The following CUL4A variants were observed in gnomAD, a reference collection of about 807,000 sequenced individuals.
CUL4A encodes cullin 4A, also known as cullin-4A.
Under a neutral mutation model 95.5 loss-of-function variants are expected in CUL4A, and 16 were observed. That is an observed-to-expected ratio of 0.17 (90% CI 0.11 to 0.25). The LOEUF (loss-of-function observed/expected upper bound fraction) is 0.25. Ranked by LOEUF, CUL4A falls within the 10% of genes least tolerant of loss-of-function variation. The pLI is 1.00. For missense variants in CUL4A, 610 were observed against 937.0 expected, an observed-to-expected ratio of 0.65 and a Z score of 4.56; for synonymous variants, 380 against 353.1, an observed-to-expected ratio of 1.08 and a Z score of -0.85.
At chr13:113,217,117 G>A (rs964645247) in intron 2 of CUL4A, among the ~76,000 whole-genome samples, 1 of 152,096 alleles carries the variant, frequency 6.6e-6, no homozygotes, top group Non-Finnish European at 1.5e-5. Context: ...CCAGAAAATG[G>A]TCCTAAGTTA....
intron 16 of CUL4A, among the ~76,000 whole-genome samples, chr13:113,253,900 A>C (rs1453812751): frequency 1.3e-5 from 2 of 152,266 alleles, no homozygotes; most frequent in East Asian, 3.8e-4. Context: ...TATTAATAAT[A>C]AACTTATCTG....
Position 113,252,734 on chromosome 13 carries a change from G to A in CUL4A, c.1639-348G>A, listed in dbSNP as rs185372302. Among the ~76,000 whole-genome samples the A allele has an allele frequency of 2.9e-3, 444 of 152,326 alleles. 3 individuals are homozygous for A. Among genetic ancestry groups the A allele is most frequent in the Non-Finnish European group, 4.5e-3 (306 of 68,016 alleles). ...ACCAGCCGAGGCCAGGGCTGGGCAT[G>A]GCCGGGCTGAGACACAGGATCTGGC... On this transcript the variant is annotated intron_variant, in intron 15 of 19. Coordinates refer to ENST00000375440, the MANE Select transcript of CUL4A (RefSeq NM_001008895.4).
chr13:113,244,556 T>TACC, intron 12 of CUL4A, 42 bp downstream of exon 12: 1 of 1,410,406 alleles, frequency 7.1e-7, no homozygotes, highest in South Asian at 1.2e-5. Flanking sequence ...AATCAAGAGG[T>TACC]GTAAACAGGC....
intron 18 of CUL4A, among the ~76,000 whole-genome samples, chr13:113,258,055 T>C (rs927448578): frequency 6.6e-6 from 1 of 152,174 alleles, no homozygotes; most frequent in Non-Finnish European, 1.5e-5. Context: ...TCGCCCAGGC[T>C]GGAGTGCAGT....
At chr13:113,234,113 CA>C in intron 7 of CUL4A, 127 bp downstream of exon 7, 2 of 583,184 alleles carry the variant, frequency 3.4e-6, no homozygotes, top group Non-Finnish European at 3.0e-6. Context: ...CTGAAAGCTG[CA>C]ATCTTGCCAG....
chr13:113,235,364 T>C (rs1447615216), intron 8 of CUL4A, among the ~76,000 whole-genome samples: 3 of 152,248 alleles, frequency 2.0e-5, no homozygotes, highest in Non-Finnish European at 2.9e-5. Flanking sequence ...AGAGAGTAAA[T>C]CTTGCTGAGA....
intron 15 of CUL4A, among the ~76,000 whole-genome samples, chr13:113,247,105 G>A (rs1421636843): frequency 2.0e-5 from 3 of 152,056 alleles, no homozygotes; most frequent in South Asian, 4.2e-4. Context: ...AACAGGTGGT[G>A]GGGGAAGGTC....
At chr13:113,213,657 T>G (rs1299050568) in intron 2 of CUL4A, among the ~76,000 whole-genome samples, 4 of 152,248 alleles carry the variant, frequency 2.6e-5, no homozygotes, top group Admixed American at 2.6e-4. Context: ...CACAGTGATA[T>G]GTCTTATAAA....
At chr13:113,233,764 G>A in intron 6 of CUL4A, 133 bp from the exon 7 acceptor site, 1 of 670,346 alleles carries the variant, frequency 1.5e-6, no homozygotes, top group Non-Finnish European at 2.7e-6. Flanking sequence ...AGTGCAGCCG[G>A]CCGGCTGGGT....
At position 113,246,009 on chromosome 13, in the gene CUL4A, C is replaced by T. The variant is rs1201578153; in HGVS notation, c.1584C>T (p.Leu528=). The part of the protein sequence containing the change: ...SGPIDLTVNI[L]TMGYWPTYTP... Reference sequence around the variant, plus strand: ...CTATAGACCTCACAGTGAACATACTCACAATGGGCTACTGGCCAACATACA... The same window carrying T: ...CTATAGACCTCACAGTGAACATACTTACAATGGGCTACTGGCCAACATACA... The change falls in exon 15 of 20, where the codon CTC becomes CTT. Residue 528 remains leucine (L), a synonymous_variant. Coordinates refer to ENST00000375440, the MANE Select transcript of CUL4A (RefSeq NM_001008895.4). 1.2e-6 allele frequency: 2 copies of T among 1,613,972 alleles called. No individual in the cohort carries two copies. The highest frequency in any genetic ancestry group is 1.7e-6 in the Non-Finnish European group (2 of 1,180,022).
chr13:113,228,734 G>A (rs774441354), intron 4 of CUL4A, among the ~76,000 whole-genome samples: 12 of 151,892 alleles, frequency 7.9e-5, no homozygotes, highest in Non-Finnish European at 1.8e-4. Context: ...AGAGACACAC[G>A]TCCAAGAGCC....
At chr13:113,244,585 GT>G in intron 12 of CUL4A, 71 bp downstream of exon 12, 1 of 1,099,382 alleles carries the variant, frequency 9.1e-7, no homozygotes. Flanking sequence ...CCCAGAGGAG[GT>G]TTAGCATGAG....
At chr13:113,237,624 G>C (rs1015275923) in intron 9 of CUL4A, among the ~76,000 whole-genome samples, 9 of 152,266 alleles carry the variant, frequency 5.9e-5, no homozygotes, top group African/African-American at 2.2e-4. Flanking sequence ...GTACTTACTG[G>C]CACATTTCAC....
chr13:113,245,320 G>T, intron 14 of CUL4A, 83 bp downstream of exon 14: 1 of 1,205,222 alleles, frequency 8.3e-7, no homozygotes, highest in Middle Eastern at 1.9e-4. Flanking sequence ...CCAGCACTTT[G>T]GGAGGCAGAG....
intron 8 of CUL4A, among the ~76,000 whole-genome samples, chr13:113,235,445 T>C (rs980293212): frequency 2.0e-5 from 3 of 152,240 alleles, no homozygotes; most frequent in African/African-American, 7.2e-5. Flanking sequence ...TAGGTTATTT[T>C]GATTGTGCAT....
At chr13:113,208,596 C>A (rs1566998378), upstream of CUL4A, 1 of 1,605,818 alleles carries the variant, frequency 6.2e-7, no homozygotes, top group South Asian at 1.1e-5. Context: ...GGCTAGGACC[C>A]ACCTGCTGCA....
At chr13:113,232,108 C>CGCCCACCACCATTACTGCCACCACTACCT (rs2041350383) in intron 5 of CUL4A, among the ~76,000 whole-genome samples, 1 of 7,886 alleles carries the variant, frequency 1.3e-4, no homozygotes, top group African/African-American at 1.9e-4. Flanking sequence ...CACCACTACC[C>CGCCCACCACCATTACTGCCACCACTACCT]GCCCACCACC....
intron 19 of CUL4A, chr13:113,262,800 T>G (rs2042317888): frequency 6.6e-6 from 1 of 151,878 alleles, no homozygotes; most frequent in African/African-American, 2.4e-5. Flanking sequence ...CCCTTGCTGA[T>G]GGCAGATGTC....
chr13:113,226,712 C>T (rs927022549), intron 3 of CUL4A, among the ~76,000 whole-genome samples: 3 of 152,144 alleles, frequency 2.0e-5, no homozygotes, highest in Admixed American at 6.5e-5. Context: ...TAAACCTGAG[C>T]CATTTTCCTG....
Sources: allele counts gnomAD v4.1 joint callset (sites outside exome capture counted in the v4.1 genomes callset), GRCh38; gene constraint gnomAD v4.1.1; transcripts MANE v1.5; gene names NCBI Gene and HGNC (gene_info 2026-07-23, HGNC 2026-07-21).